Variants in PTPRG observed in about 807,000 individuals in gnomAD.
PTPRG encodes the protein receptor-type tyrosine-protein phosphatase gamma.
A neutral mutation model predicts 165.3 loss-of-function variants in PTPRG; 102 were observed. The observed-to-expected ratio is 0.62, with a 90% CI of 0.53 to 0.73. The LOEUF is 0.73. PTPRG is among the 30% of genes least tolerant of loss of function. PTPRG has a pLI of 0.00. For missense variants in PTPRG, 1,866 were observed against 1,861.4 expected, an observed-to-expected ratio of 1.00 and a Z score of -0.05; for synonymous variants, 675 against 669.5, an observed-to-expected ratio of 1.01 and a Z score of -0.13.
At chr3:61,941,476 A>C (rs1434421621) in intron 2 of PTPRG, among the ~76,000 whole-genome samples, 1 of 152,124 alleles carries the variant, frequency 6.6e-6, no homozygotes, top group East Asian at 1.9e-4. Flanking sequence ...ACAAAAAATT[A>C]GCCGGGCATG....
In PTPRG at chr3:61,613,622, A is replaced by G. The variant is rs531359330; in HGVS notation, c.85+51250A>G. On this transcript the variant is annotated intron_variant, in intron 1 of 29. Coordinates refer to ENST00000474889, the MANE Select transcript of PTPRG (RefSeq NM_002841.4). ...TCTGTGTGGGAGAGATTCTCTTTGT[A>G]TGAAGGCAAGCTATGAAATCAGAAT... Among the ~76,000 whole-genome samples the G allele has an allele frequency of 2.0e-5, 3 of 152,340 alleles. No homozygotes were observed. In the East Asian group the frequency reaches 5.8e-4, roughly 29 times the overall value.
chr3:62,104,616 G>A (rs2106837064), intron 5 of PTPRG, among the ~76,000 whole-genome samples: 1 of 152,332 alleles, frequency 6.6e-6, no homozygotes, highest in South Asian at 2.1e-4. Context: ...GAGAAATGTA[G>A]ACTAGTATTT....
chr3:62,183,369 G>C (rs975824135), intron 8 of PTPRG, among the ~76,000 whole-genome samples: 1 of 152,130 alleles, frequency 6.6e-6, no homozygotes, highest in African/African-American at 2.4e-5. Flanking sequence ...TTCGAGACCA[G>C]CCTGGCCAGC....
At position 62,081,273 on chromosome 3, in the gene PTPRG, C is replaced by G. The variant is rs370620675; in HGVS notation, c.615+3015C>G. 1.9e-3 allele frequency among the ~76,000 whole-genome samples: 196 copies of G among 101,468 alleles called. 2 individuals are homozygous for G. The highest frequency in any genetic ancestry group is 2.5e-3 in the Non-Finnish European group (110 of 43,974). The allele number at this position is 101,468 out of a possible 152,430, so 66.6% of individuals were successfully genotyped here. ...CTCCGTCTCAAAACAAACAAACAAA[C>G]AAACAAACAAACAAACAAACAAAAA... On this transcript the variant is annotated intron_variant, in intron 5 of 29. Coordinates refer to ENST00000474889, the MANE Select transcript of PTPRG (RefSeq NM_002841.4).
intron 2 of PTPRG, among the ~76,000 whole-genome samples, chr3:61,779,516 C>CT (rs1247517355): frequency 2.0e-5 from 3 of 151,986 alleles, no homozygotes; most frequent in African/African-American, 4.8e-5. Flanking sequence ...TAAGGTGAGC[C>CT]TTTTTTTGCA....
chr3:61,987,464 A>G (rs1448550025), intron 2 of PTPRG, among the ~76,000 whole-genome samples: 2 of 152,180 alleles, frequency 1.3e-5, no homozygotes, highest in African/African-American at 4.8e-5. Flanking sequence ...TATTTTTTAA[A>G]TTGTTAGTAG....
intron 14 of PTPRG, among the ~76,000 whole-genome samples, chr3:62,241,217 T>C (rs1276285653): frequency 6.6e-6 from 1 of 152,180 alleles, no homozygotes; most frequent in Non-Finnish European, 1.5e-5. Context: ...AAGGAAGTAG[T>C]TTTAAGGATT....
At chr3:62,022,713 G>T (rs2041726061) in intron 4 of PTPRG, among the ~76,000 whole-genome samples, 1 of 152,098 alleles carries the variant, frequency 6.6e-6, no homozygotes, top group Admixed American at 6.5e-5. Context: ...TTAAGAGCTG[G>T]AATTATATAC....
intron 1 of PTPRG, among the ~76,000 whole-genome samples, chr3:61,616,019 C>A (rs146298305): frequency 6.6e-6 from 1 of 152,172 alleles, no homozygotes; most frequent in Admixed American, 6.5e-5. Context: ...GGCACAATCT[C>A]GGCTCACTGC....
chr3:62,094,737 G>A (rs938288479), intron 5 of PTPRG, among the ~76,000 whole-genome samples: 1 of 152,206 alleles, frequency 6.6e-6, no homozygotes, highest in Non-Finnish European at 1.5e-5. Context: ...CTGAGAATTT[G>A]TTTCTGCAGT....
intron 5 of PTPRG, among the ~76,000 whole-genome samples, chr3:62,086,281 T>TG (rs1701751105): frequency 6.6e-6 from 1 of 151,890 alleles, no homozygotes; most frequent in Non-Finnish European, 1.5e-5. Context: ...GGTTTTAATT[T>TG]TTTTTTTTCT....
chr3:62,208,372 G>A (rs1700280448), intron 12 of PTPRG, among the ~76,000 whole-genome samples: 1 of 152,060 alleles, frequency 6.6e-6, no homozygotes, highest in African/African-American at 2.4e-5. Context: ...TTTCAGAGTG[G>A]GCATCATCTA....
intron 1 of PTPRG, among the ~76,000 whole-genome samples, chr3:61,706,710 G>A (rs111535197): frequency 0.013 from 1,953 of 151,926 alleles, 45 homozygotes; most frequent in African/African-American, 0.044. Context: ...GGCTGGTCTC[G>A]AACTCCTGAC....
At chr3:62,069,072 A>T (rs1376969887) in intron 4 of PTPRG, among the ~76,000 whole-genome samples, 5 of 152,158 alleles carry the variant, frequency 3.3e-5, no homozygotes, top group Non-Finnish European at 7.3e-5. Context: ...ACTTCTTGGG[A>T]TGTTGGCTAG....
In PTPRG at chr3:62,003,231, G is replaced by T; in HGVS notation, c.371-118G>T. ...GTGTGTTCAACATATTTTTTCATAG[G>T]TACATGAGGACATAATTCATATCAT... On this transcript the variant is annotated intron_variant, in intron 3 of 29. Coordinates refer to ENST00000474889, the MANE Select transcript of PTPRG (RefSeq NM_002841.4). The T allele has an allele frequency of 9.3e-6, 11 of 1,186,444 alleles. No individual in the cohort carries two copies. The South Asian group carries it at 1.5e-4, about 16-fold the overall frequency. The allele number at this position is 1,186,444 out of a possible 1,614,324, so 73.5% of individuals were successfully genotyped here.
chr3:61,840,977 T>G (rs552132106), intron 2 of PTPRG, among the ~76,000 whole-genome samples: 3 of 152,190 alleles, frequency 2.0e-5, no homozygotes, highest in African/African-American at 7.2e-5. Flanking sequence ...AGGTGGGGTT[T>G]CACCCTGTTG....
chr3:61,720,883 T>C (rs2032017170), intron 1 of PTPRG, among the ~76,000 whole-genome samples: 1 of 152,188 alleles, frequency 6.6e-6, no homozygotes, highest in Non-Finnish European at 1.5e-5. Context: ...ACTTAGACGA[T>C]TAGATTTGTC....
At chr3:61,691,556 G>A (rs1007612585) in intron 1 of PTPRG, among the ~76,000 whole-genome samples, 4 of 152,120 alleles carry the variant, frequency 2.6e-5, no homozygotes, top group Admixed American at 2.6e-4. Context: ...GACTAAAATG[G>A]TATGAATCAA....
chr3:62,076,026 A>G (rs76825393), intron 4 of PTPRG, among the ~76,000 whole-genome samples: 9,522 of 152,226 alleles, frequency 0.063, 417 homozygotes, highest in South Asian at 0.11. Flanking sequence ...ATGTAATCTC[A>G]ACACGTTGGG....
Sources: allele counts gnomAD v4.1 joint callset (sites outside exome capture counted in the v4.1 genomes callset), GRCh38; gene constraint gnomAD v4.1.1; transcripts MANE v1.5; gene names NCBI Gene and HGNC (gene_info 2026-07-23, HGNC 2026-07-21).